EFR3A: variants seen among roughly 807,000 people sequenced by gnomAD.
EFR3A encodes EFR3 homolog A.
In EFR3A, 76 loss-of-function variants were observed where a neutral mutation model predicts 104.4. The ratio of observed to expected loss-of-function variants is 0.73; its 90% CI spans 0.60 to 0.88. The LOEUF (loss-of-function observed/expected upper bound fraction) is 0.88, where lower values mean the gene tolerates loss of function less well. Among genes scored for constraint, EFR3A ranks in the 40% least tolerant of loss-of-function variants. EFR3A has a pLI of 0.00. For synonymous variants in EFR3A, 330 were observed against 330.0 expected, an observed-to-expected ratio of 1.00 and a Z score of 0.00; for missense variants, 985 against 1,012.5, an observed-to-expected ratio of 0.97 and a Z score of 0.37.
intron 14 of EFR3A, 87 bp downstream of exon 14, chr8:131,979,508 G>GAA: frequency 1.1e-6 from 1 of 935,876 alleles, no homozygotes; most frequent in East Asian, 2.7e-5. Context: ...CTGTGCCCTT[G>GAA]AAATTAAGCC....
rs75600211 is a variant in EFR3A at position 131,915,965 on chromosome 8, G to A, written c.10+11643G>A. 3.0e-4 allele frequency among the ~76,000 whole-genome samples: 45 copies of A among 152,346 alleles called. No individual in the cohort carries two copies. The East Asian group carries it at 8.7e-3, about 29-fold the overall frequency. ...AGGACATATGGACACCAACAGGGGT[G>A]TCGTCCCTGCCCTCATGGATCTTGG... On this transcript the variant is annotated intron_variant, in intron 1 of 22. Coordinates refer to ENST00000254624, the MANE Select transcript of EFR3A (RefSeq NM_015137.6).
chr8:131,922,447 C>A (rs921949117), intron 1 of EFR3A, among the ~76,000 whole-genome samples: 1 of 152,012 alleles, frequency 6.6e-6, no homozygotes, highest in Non-Finnish European at 1.5e-5. Flanking sequence ...AGTATGTATT[C>A]TACAAGTACC....
chr8:131,940,683 C>G (rs1818125330), intron 2 of EFR3A, 108 bp downstream of exon 2: 4 of 1,440,460 alleles, frequency 2.8e-6, no homozygotes, highest in Non-Finnish European at 3.7e-6. Flanking sequence ...ACCCTTACAT[C>G]TCATCATTTA....
intron 8 of EFR3A, among the ~76,000 whole-genome samples, chr8:131,966,954 A>C (rs1819773622): frequency 1.3e-5 from 2 of 152,188 alleles, no homozygotes; most frequent in Admixed American, 6.6e-5. Context: ...TAGAAAGAAC[A>C]CATGCTCTGG....
Position 131,915,727 on chromosome 8 carries a change from T to C in EFR3A, c.10+11405T>C, listed in dbSNP as rs530178418. Among the ~76,000 whole-genome samples, 8 of 152,284 alleles carry C rather than the reference T, an allele frequency of 5.3e-5. No homozygotes were observed. The South Asian group carries it at 1.7e-3, about 32-fold the overall frequency. On this transcript the variant is annotated intron_variant, in intron 1 of 22. Transcript: ENST00000254624. ...GATACAGTGGTCAAAGGAGAAATGC[T>C]GGATTGGGGAAACTGTTTGAGATGA...
At chr8:131,917,173 A>G (rs186315564) in intron 1 of EFR3A, among the ~76,000 whole-genome samples, 1 of 152,388 alleles carries the variant, frequency 6.6e-6, no homozygotes, top group Non-Finnish European at 1.5e-5. Context: ...TGTAATGCTT[A>G]TGCAGAGTTG....
intron 7 of EFR3A, 52 bp from the exon 8 acceptor site, chr8:131,959,533 G>A: frequency 6.8e-7 from 1 of 1,465,628 alleles, no homozygotes; most frequent in South Asian, 1.2e-5. Context: ...GTTTCTAGAG[G>A]AAGAAAGTAT....
At chr8:131,936,475 C>T (rs906593136) in intron 1 of EFR3A, among the ~76,000 whole-genome samples, 2 of 151,914 alleles carry the variant, frequency 1.3e-5, no homozygotes, top group African/African-American at 4.8e-5. Context: ...AGGACTGCCT[C>T]CCTCCGCCCC....
intron 1 of EFR3A, among the ~76,000 whole-genome samples, chr8:131,921,926 A>G (rs1189012590): frequency 6.6e-6 from 1 of 152,192 alleles, no homozygotes; most frequent in Non-Finnish European, 1.5e-5. Flanking sequence ...TTAGTTTTCT[A>G]GGGCTACCGT....
chr8:132,010,449 T>A (rs201668672), intron 22 of EFR3A, among the ~76,000 whole-genome samples: 13,959 of 128,350 alleles, frequency 0.11, 1,057 homozygotes, highest in South Asian at 0.25. Context: ...TATATATATA[T>A]AATGAAATAC....
intron 22 of EFR3A, among the ~76,000 whole-genome samples, chr8:132,010,450 A>ATC (rs1822286046): frequency 7.3e-6 from 1 of 137,156 alleles, no homozygotes; most frequent in East Asian, 2.1e-4. Flanking sequence ...ATATATATAT[A>ATC]ATGAAATACC....
chr8:131,953,596 C>A (rs75924336), intron 5 of EFR3A, among the ~76,000 whole-genome samples: 2 of 151,948 alleles, frequency 1.3e-5, no homozygotes, highest in East Asian at 3.9e-4. Flanking sequence ...GTTTTAAATG[C>A]GGATTTTAAG....
chr8:131,956,464 C>T (rs1818999234), intron 7 of EFR3A, among the ~76,000 whole-genome samples: 1 of 152,164 alleles, frequency 6.6e-6, no homozygotes, highest in Middle Eastern at 3.2e-3. Context: ...TATGGTCTCT[C>T]AAGCCTTGTC....
intron 1 of EFR3A, among the ~76,000 whole-genome samples, chr8:131,904,896 T>C (rs1249678167): frequency 2.0e-5 from 3 of 152,158 alleles, no homozygotes; most frequent in African/African-American, 7.2e-5. Flanking sequence ...GGCAGATGAT[T>C]AAAAATGCCG....
At chr8:132,008,158 C>G (rs1392187919) in intron 22 of EFR3A, among the ~76,000 whole-genome samples, 1 of 151,982 alleles carries the variant, frequency 6.6e-6, no homozygotes, top group African/African-American at 2.4e-5. Context: ...AGACCACAAA[C>G]TCAGAAAATA....
chr8:131,961,162 C>T (rs2130653319), intron 8 of EFR3A, among the ~76,000 whole-genome samples: 1 of 152,304 alleles, frequency 6.6e-6, no homozygotes, highest in African/African-American at 2.4e-5. Context: ...GCCTCTCCTC[C>T]TCCAAAGGAA....
At chr8:131,991,438 A>G (rs1243780983) in intron 18 of EFR3A, among the ~76,000 whole-genome samples, 1 of 152,184 alleles carries the variant, frequency 6.6e-6, no homozygotes, top group Non-Finnish European at 1.5e-5. Context: ...TGGTAGAAGG[A>G]TAGAGTTTTT....
At chr8:131,946,844 T>C (rs528732714) in intron 4 of EFR3A, among the ~76,000 whole-genome samples, 2 of 152,246 alleles carry the variant, frequency 1.3e-5, no homozygotes, top group Admixed American at 6.5e-5. Flanking sequence ...TAATAGAATG[T>C]CTGCATGTAA....
Position 131,993,273 on chromosome 8 carries a change from C to T in EFR3A, c.2066-3133C>T, listed in dbSNP as rs555436550. 2.0e-5 allele frequency among the ~76,000 whole-genome samples: 3 copies of T among 152,288 alleles called. No individual in the cohort carries two copies. The South Asian group carries it at 6.2e-4, about 32-fold the overall frequency. On this transcript the variant is annotated intron_variant, in intron 18 of 22. Transcript: ENST00000254624. ...AAGATTTATTTATTGCTCAGACTCGCTGTACATAACTATACATCATCCACA... is the reference window on the plus strand; with the variant it reads ...AAGATTTATTTATTGCTCAGACTCGTTGTACATAACTATACATCATCCACA...
Sources: gnomAD v4.1 joint callset for allele counts (sites outside exome capture counted in the v4.1 genomes callset) on GRCh38, gnomAD v4.1.1 for gene constraint, MANE v1.5 for transcripts, NCBI Gene and HGNC (gene_info 2026-07-23, HGNC 2026-07-21) for gene names.